Variants in DUSP6 observed in about 807,000 individuals in gnomAD.
The protein encoded by DUSP6 is dual specificity protein phosphatase 6.
In DUSP6, 6 loss-of-function variants were observed where a neutral mutation model predicts 28.0. The observed-to-expected ratio is 0.21, with a 90% confidence interval of 0.12 to 0.42. DUSP6 has a LOEUF of 0.42. Among genes scored for constraint, DUSP6 ranks in the 10% least tolerant of loss-of-function variants. The pLI, the probability that DUSP6 is intolerant of heterozygous loss-of-function variation, is 1.00. For missense variants in DUSP6, 451 were observed against 498.1 expected, an observed-to-expected ratio of 0.91 and a Z score of 0.90; for synonymous variants, 252 against 217.5, an observed-to-expected ratio of 1.16 and a Z score of -1.40.
In DUSP6 at chr12:89,351,653, C is replaced by G; in HGVS notation, c.387G>C (p.Ala129=). 3 of 1,602,046 alleles carry G rather than the reference C, an allele frequency of 1.9e-6. No individual in the cohort carries two copies. The South Asian group carries it at 3.3e-5, about 18-fold the overall frequency. The change falls in exon 1 of 3, where the codon GCG becomes GCC. Residue 129 remains alanine, a synonymous_variant. Transcript: ENST00000279488. ...CTGGGCGCGTACCTTCCAGGTAGAA[C>G]GCCCGGCAGCCCTCGTCCTTGAGCT... ...LKKLKDEGCR[A]FYLEGGFSKF...
chr12:89,351,793 G>T lies in DUSP6; in HGVS notation c.247C>A (p.Arg83=), dbSNP rs778040558. The change falls in exon 1 of 3, where the codon CGG becomes AGG. Residue 83 remains arginine, a synonymous_variant. Coordinates refer to ENST00000279488, the MANE Select transcript of DUSP6 (RefSeq NM_001946.4). The stretch of plus-strand genomic sequence containing the variant: ...CCACAGCGCCGGGTGAAGCGGTCCC[G>T]GTCCTCGCCGCGCGTGAAGAGCGCG... The part of the protein sequence containing the change: ...VRALFTRGED[R]DRFTRRCGTD... The T allele has an allele frequency of 1.4e-5, 23 of 1,610,214 alleles. No homozygotes were observed. Among genetic ancestry groups the T allele is most frequent in the Non-Finnish European group, 1.8e-5 (21 of 1,179,076 alleles).
At position 89,352,266 on chromosome 12, in the gene DUSP6, T is replaced by C. The variant is rs574573165; in HGVS notation, c.-227A>G. On this transcript the variant is annotated 5_prime_UTR_variant, in exon 1 of 3. Coordinates refer to ENST00000279488, the MANE Select transcript of DUSP6 (RefSeq NM_001946.4). ...GGCTCTTAGTGTCAATGAATCTCTC[T>C]CAATGAAGCTGCCCAGATAGTTTTT... 8.3e-6 allele frequency: 5 copies of C among 605,304 alleles called. No homozygotes were observed. Among genetic ancestry groups the C allele is most frequent in the Non-Finnish European group, 1.1e-5 (4 of 348,966 alleles). 37.5% of individuals were successfully genotyped at this position (605,304 alleles called of 1,614,324 possible). A position where few individuals can be genotyped will look rare whatever the true frequency, so the allele number is the denominator to read the frequency against.
Position 89,350,939 on chromosome 12 carries a change from G to T in DUSP6, c.487C>A (p.Pro163Thr). ...CGCAGGCCCCCGAGCCCCAGCACTGGCAACGGCGGCGAGCTGCTGCTACAC... is the reference window on the plus strand; with the variant it reads ...CGCAGGCCCCCGAGCCCCAGCACTGTCAACGGCGGCGAGCTGCTGCTACAC... The part of the protein sequence containing the change: ...GSCSSSSPPL[P>T]VLGLGGLRIS... The change falls in exon 2 of 3, where the codon CCA becomes ACA. Residue 163 changes from proline to threonine, a missense_variant. By Grantham distance (38) the Pro-to-Thr change is conservative. Transcript: ENST00000279488. 2 of 1,613,514 alleles carry T rather than the reference G, an allele frequency of 1.2e-6. No individual in the cohort carries two copies. The highest frequency in any genetic ancestry group is 2.2e-5 in the South Asian group (2 of 91,076).
In DUSP6 at chr12:89,349,068, A is replaced by C. The variant is rs1278385495; in HGVS notation, c.*186T>G. ...CTATACAGCATGTCCTGTTATTCCAAAGAGAATGGAGCAAATCTCTCTGTT... is the reference window on the plus strand; with the variant it reads ...CTATACAGCATGTCCTGTTATTCCACAGAGAATGGAGCAAATCTCTCTGTT... On this transcript the variant is annotated 3_prime_UTR_variant, in exon 3 of 3. Transcript: ENST00000279488. 1 of 635,634 alleles carries C rather than the reference A, an allele frequency of 1.6e-6. No individual in the cohort carries two copies. Among genetic ancestry groups the C allele is most frequent in the African/African-American group, 1.8e-5 (1 of 54,492 alleles). The allele number at this position is 635,634 out of a possible 1,614,324, so 39.4% of individuals were successfully genotyped here.
chr12:89,351,176 G>GT (rs1160461458), intron 1 of DUSP6, 151 bp from the exon 2 acceptor site: 65 of 881,008 alleles, frequency 7.4e-5, no homozygotes, highest in Non-Finnish European at 1.1e-4. Context: ...CACTTTAAAT[G>GT]TGCACCATCG....
Position 89,352,005 on chromosome 12 carries a change from G to C in DUSP6, c.35C>G (p.Ser12Trp). 1 of 1,613,000 alleles carries C rather than the reference G, an allele frequency of 6.2e-7. No individual in the cohort carries two copies. The highest frequency in any genetic ancestry group is 8.5e-7 in the Non-Finnish European group (1 of 1,179,914). Residue 12 changes from serine (S) to tryptophan (W), a missense_variant, in exon 1 of 3, where the codon TCG becomes TGG. Ser to Trp is a radical substitution (Grantham distance 177, BLOSUM62 -3). Around this residue, in one of 2 missense-constraint regions of DUSP6, gnomAD observed 347 missense variants for 346.6 expected, o/e 1.00. Coordinates refer to ENST00000279488, the MANE Select transcript of DUSP6 (RefSeq NM_001946.4). ...IDTLRPVPFASEMAISKTVAW... is the reference protein window; with the variant it reads ...IDTLRPVPFAWEMAISKTVAW... ...CACCGTCTTGCTGATCGCCATTTCC[G>C]ACGCGAAGGGCACGGGTCTGAGCGT...
chr12:89,349,346 GGCT>G lies in DUSP6; in HGVS notation c.1051_1053del (p.Ser351del). The G allele has an allele frequency of 6.2e-7, 1 of 1,614,144 alleles. No individual in the cohort carries two copies. The highest frequency in any genetic ancestry group is 8.5e-7 in the Non-Finnish European group (1 of 1,180,034). The stretch of plus-strand genomic sequence containing the variant: ...TGTGCTGGAACCCTGTTGTCACATG[GGCT>G]GCTGAGTCCCAGCGTCCTCTCGAAG... On this transcript the variant is annotated inframe_deletion, in exon 3 of 3. Coordinates refer to ENST00000279488, the MANE Select transcript of DUSP6 (RefSeq NM_001946.4).
rs745473293 is a variant in DUSP6 at position 89,352,088 on chromosome 12, G to C, written c.-49C>G. 1.3e-6 allele frequency: 2 copies of C among 1,585,346 alleles called. No homozygotes were observed. The highest frequency in any genetic ancestry group is 1.7e-6 in the Non-Finnish European group (2 of 1,163,010). On this transcript the variant is annotated 5_prime_UTR_variant, in exon 1 of 3. Transcript: ENST00000279488. ...CGGGGTGCCTACCAGACGCCCCTCGGGGCAGGCATAGGCCGAGCGCACCGC... is the reference window on the plus strand; with the variant it reads ...CGGGGTGCCTACCAGACGCCCCTCGCGGCAGGCATAGGCCGAGCGCACCGC...
rs901354294 is a variant in DUSP6 at position 89,348,373 on chromosome 12, T to G, written c.*881A>C. 3 of 152,642 alleles carry G rather than the reference T, an allele frequency of 2.0e-5. No individual in the cohort carries two copies. Among genetic ancestry groups the G allele is most frequent in the African/African-American group, 7.2e-5 (3 of 41,470 alleles). 9.5% of individuals were successfully genotyped at this position (152,642 alleles called of 1,614,324 possible). A position where few individuals can be genotyped will look rare whatever the true frequency, so the allele number is the denominator to read the frequency against. The stretch of plus-strand genomic sequence containing the variant: ...TTTTTTATTCTTTCTTTTTTTAAAG[T>G]GAGCCCATGATTTGGTGTCTTTCCC... On this transcript the variant is annotated 3_prime_UTR_variant, in exon 3 of 3. Transcript: ENST00000279488.
rs1217017520 is a variant in DUSP6 at position 89,351,018 on chromosome 12, G to A, written c.408C>T (p.Phe136=). Residue 136 remains phenylalanine, a synonymous_variant, in exon 2 of 3, where the codon TTC becomes TTT. Coordinates refer to ENST00000279488, the MANE Select transcript of DUSP6 (RefSeq NM_001946.4). ...GCRAFYLEGG[F]SKFQAEFSLH... ...GGGAGAACTCGGCTTGGAACTTACT[G>A]AAGCCACCTGCCAGAACGAGAAAAG... 5 of 1,587,766 alleles carry A rather than the reference G, an allele frequency of 3.1e-6. No individual in the cohort carries two copies. Among genetic ancestry groups the A allele is most frequent in the Non-Finnish European group, 4.3e-6 (5 of 1,170,150 alleles).
Position 89,350,699 on chromosome 12 carries a change from A to G in DUSP6, c.727T>C (p.Leu243=), listed in dbSNP as rs751774999. The change falls in exon 2 of 3, where the codon TTG becomes CTG. Residue 243 remains leucine (L), a synonymous_variant. Coordinates refer to ENST00000279488, the MANE Select transcript of DUSP6 (RefSeq NM_001946.4). ...IKYILNVTPN[L]PNLFENAGEF... The stretch of plus-strand genomic sequence containing the variant: ...CCTGCGTTCTCAAAGAGATTCGGCA[A>G]ATTGGGGGTGACGTTCAAGATGTAC... The G allele has an allele frequency of 1.9e-6, 3 of 1,614,134 alleles. No homozygotes were observed. Among genetic ancestry groups the G allele is most frequent in the Non-Finnish European group, 2.5e-6 (3 of 1,180,002 alleles).
chr12:89,350,901 G>C lies in DUSP6; in HGVS notation c.525C>G (p.Asp175Glu). ...LGLGGLRISSDSSSDIESDLD... is the reference protein window; with the variant it reads ...LGLGGLRISSESSSDIESDLD... ...GGTCAGACTCGATGTCCGAGGAAGAGTCAGAGCTGATCCGCAGGCCCCCGA... is the reference window on the plus strand; with the variant it reads ...GGTCAGACTCGATGTCCGAGGAAGACTCAGAGCTGATCCGCAGGCCCCCGA... The change falls in exon 2 of 3, where the codon GAC becomes GAG. Residue 175 changes from aspartate (D) to glutamate (E), a missense_variant. Asp to Glu is a conservative substitution (Grantham distance 45). Transcript: ENST00000279488. 3 of 1,613,936 alleles carry C rather than the reference G, an allele frequency of 1.9e-6. No individual in the cohort carries two copies. The highest frequency in any genetic ancestry group is 2.5e-6 in the Non-Finnish European group (3 of 1,179,944).
Position 89,350,704 on chromosome 12 carries a change from G to A in DUSP6, c.722C>T (p.Pro241Leu), listed in dbSNP as rs1057071194. 2 of 1,613,988 alleles carry A rather than the reference G, an allele frequency of 1.2e-6. No homozygotes were observed. The highest frequency in any genetic ancestry group is 3.3e-5 in the Admixed American group (2 of 59,992). Residue 241 changes from proline to leucine, a missense_variant, in exon 2 of 3, where the codon CCC becomes CTC. By Grantham distance (98) the Pro-to-Leu change is moderately conservative (BLOSUM62 -3). This residue lies in a region of DUSP6 where 347 missense variants were observed against 346.6 expected (regional missense o/e 1.00). Transcript: ENST00000279488. ...FGIKYILNVTPNLPNLFENAG... is the reference protein window; with the variant it reads ...FGIKYILNVTLNLPNLFENAG... ...GTTCTCAAAGAGATTCGGCAAATTGGGGGTGACGTTCAAGATGTACTTGAT... is the reference window on the plus strand; with the variant it reads ...GTTCTCAAAGAGATTCGGCAAATTGAGGGTGACGTTCAAGATGTACTTGAT...
chr12:89,350,264 G>C (rs1369998786), intron 2 of DUSP6, among the ~76,000 whole-genome samples: 1 of 152,318 alleles, frequency 6.6e-6, no homozygotes, highest in Admixed American at 6.5e-5. Flanking sequence ...CCTGTCTATA[G>C]TGAGTACTTC....
chr12:89,351,101 G>A (rs949589362), intron 1 of DUSP6, 76 bp from the exon 2 acceptor site: 15 of 1,469,418 alleles, frequency 1.0e-5, no homozygotes, highest in South Asian at 3.9e-5. Context: ...ACCGCAGCCC[G>A]GCGCAAGAAA....
At position 89,349,362 on chromosome 12, in the gene DUSP6, C is replaced by T. The variant is rs779106604; in HGVS notation, c.1038G>A (p.Thr346=). 4.3e-6 allele frequency: 7 copies of T among 1,614,010 alleles called. No homozygotes were observed. The highest frequency in any genetic ancestry group is 1.3e-5 in the African/African-American group (1 of 74,882). Residue 346 remains threonine, a synonymous_variant, in exon 3 of 3, where the codon ACG becomes ACA. Coordinates refer to ENST00000279488, the MANE Select transcript of DUSP6 (RefSeq NM_001946.4). Reference sequence around the variant, plus strand: ...TGTCACATGGGCTGCTGAGTCCCAGCGTCCTCTCGAAGTCCAGCAGCTGAC... The same window carrying T: ...TGTCACATGGGCTGCTGAGTCCCAGTGTCCTCTCGAAGTCCAGCAGCTGAC... ...FMGQLLDFER[T]LGLSSPCDNR...
chr12:89,349,445 C>T lies in DUSP6; in HGVS notation c.955G>A (p.Ala319Thr). ...MQKLNLSMND[A>T]YDIVKMKKSN... ...TTTTTCATTTTGACAATGTCATAGG[C>T]ATCGTTCATCGACAGATTGAGCTTC... The change falls in exon 3 of 3, where the codon GCC (alanine) becomes ACC (threonine). Residue 319 changes from alanine to threonine, a missense_variant. By Grantham distance (58) the Ala-to-Thr change is moderately conservative. Transcript: ENST00000279488. 2 of 1,614,140 alleles carry T rather than the reference C, an allele frequency of 1.2e-6. No individual in the cohort carries two copies. The highest frequency in any genetic ancestry group is 1.7e-6 in the Non-Finnish European group (2 of 1,180,004).
Position 89,352,267 on chromosome 12 carries a change from C to G in DUSP6, c.-228G>C. ...GCTCTTAGTGTCAATGAATCTCTCT[C>G]AATGAAGCTGCCCAGATAGTTTTTG... On this transcript the variant is annotated 5_prime_UTR_variant, in exon 1 of 3. Coordinates refer to ENST00000279488, the MANE Select transcript of DUSP6 (RefSeq NM_001946.4). The G allele has an allele frequency of 1.6e-6, 1 of 606,918 alleles. No individual in the cohort carries two copies. The highest frequency in any genetic ancestry group is 2.8e-5 in the East Asian group (1 of 35,442). The allele number at this position is 606,918 out of a possible 1,614,324, so 37.6% of individuals were successfully genotyped here. A position where few individuals can be genotyped will look rare whatever the true frequency, so the allele number is the denominator to read the frequency against.
chr12:89,349,524 A>G lies in DUSP6; in HGVS notation c.876T>C (p.His292=), dbSNP rs758648441. The G allele has an allele frequency of 1.1e-4, 176 of 1,614,026 alleles. 12 individuals are homozygous for G. The South Asian group carries it at 1.9e-3, about 17-fold the overall frequency. The part of the protein sequence containing the change: ...ARGKNCGVLV[H]CLAGISRSVT... ...CTGAGCGGCTAATGCCAGCCAAGCA[A>G]TGTACCAAGACACCACAGTTCTTGC... Residue 292 remains histidine, a synonymous_variant, in exon 3 of 3, where the codon CAT becomes CAC. Transcript: ENST00000279488.
Sources: gnomAD v4.1 joint callset for allele counts (sites outside exome capture counted in the v4.1 genomes callset) on GRCh38, gnomAD v4.1.1 for gene constraint, gnomAD v4.1.1 regional missense constraint, MANE v1.5 for transcripts, NCBI Gene and HGNC (gene_info 2026-07-23, HGNC 2026-07-21) for gene names.